The following TMOD3 variants were observed in gnomAD, a reference collection of about 807,000 sequenced individuals.
TMOD3 encodes tropomodulin 3, also known as tropomodulin-3.
Under a neutral mutation model 39.2 loss-of-function variants are expected in TMOD3, and 20 were observed. That is an observed-to-expected ratio of 0.51 (90% CI 0.36 to 0.74). The LOEUF is 0.74. Ranked by LOEUF, TMOD3 falls within the 30% of genes least tolerant of loss-of-function variation. The probability of loss-of-function intolerance (pLI) is 0.00; values close to 1 mark genes in which losing one functional copy is unlikely to be tolerated. For missense variants in TMOD3, 381 were observed against 412.8 expected (o/e 0.92, Z 0.67); for synonymous variants, 143 against 145.8 (o/e 0.98, Z 0.14).
chr15:51,863,958 T>C (rs2056432098), intron 2 of TMOD3, among the ~76,000 whole-genome samples: 1 of 152,132 alleles, frequency 6.6e-6, no homozygotes, highest in African/African-American at 2.4e-5. Flanking sequence ...ATTAGACCTA[T>C]TTGAATCAAA....
intron 3 of TMOD3, among the ~76,000 whole-genome samples, chr15:51,870,008 G>C (rs769777413): frequency 1.4e-4 from 22 of 152,060 alleles, no homozygotes; most frequent in Admixed American, 9.8e-4. Flanking sequence ...GTGCACCCTC[G>C]CCTCACTGCA....
At chr15:51,888,608 T>C (rs1404249771) in intron 4 of TMOD3, among the ~76,000 whole-genome samples, 1 of 152,242 alleles carries the variant, frequency 6.6e-6, no homozygotes, top group African/African-American at 2.4e-5. Flanking sequence ...TTTAGTATTC[T>C]ACTCTTAACT....
At chr15:51,889,471 A>G (rs1595907452) in intron 5 of TMOD3, among the ~76,000 whole-genome samples, 1 of 152,194 alleles carries the variant, frequency 6.6e-6, no homozygotes, top group East Asian at 1.9e-4. Context: ...CTTACAAAGA[A>G]ATTACATTAT....
At chr15:51,861,657 CTTTTTTTTT>C (rs550303054) in intron 1 of TMOD3, among the ~76,000 whole-genome samples, 1 of 134,880 alleles carries the variant, frequency 7.4e-6, no homozygotes, top group African/African-American at 2.7e-5. Flanking sequence ...GTACTAGGTA[CTTTTTTTTT>C]TTTTTTTTTG....
chr15:51,863,911 C>T (rs1055909819), intron 2 of TMOD3, among the ~76,000 whole-genome samples: 1 of 152,110 alleles, frequency 6.6e-6, no homozygotes, highest in Non-Finnish European at 1.5e-5. Flanking sequence ...CTGTTTTTAT[C>T]ACATCACAAC....
chr15:51,830,638 T>A (rs1243012828), intron 1 of TMOD3, among the ~76,000 whole-genome samples: 1 of 152,228 alleles, frequency 6.6e-6, no homozygotes, highest in Non-Finnish European at 1.5e-5. Context: ...GAGGCCATAC[T>A]TCAACAGGAA....
chr15:51,894,566 T>G (rs1434983016), intron 6 of TMOD3, among the ~76,000 whole-genome samples: 1 of 152,192 alleles, frequency 6.6e-6, no homozygotes, highest in East Asian at 1.9e-4. Flanking sequence ...CATACCCCTT[T>G]GTAGTCATTC....
At chr15:51,868,353 G>C (rs76404881) in intron 2 of TMOD3, among the ~76,000 whole-genome samples, 5,578 of 152,144 alleles carry the variant, frequency 0.037, 134 homozygotes, top group Non-Finnish European at 0.05. Context: ...GTTTCATTAC[G>C]TAGGTAAACT....
chr15:51,891,750 T>C (rs1263597562), intron 5 of TMOD3, among the ~76,000 whole-genome samples: 1 of 151,392 alleles, frequency 6.6e-6, no homozygotes, highest in African/African-American at 2.4e-5. Context: ...AATGAGGAAG[T>C]TCTTCCCTAG....
At chr15:51,842,056 G>A (rs1447603656) in intron 1 of TMOD3, among the ~76,000 whole-genome samples, 3 of 152,170 alleles carry the variant, frequency 2.0e-5, no homozygotes, top group Non-Finnish European at 2.9e-5. Flanking sequence ...GATTACAGGC[G>A]TGAGCCACTG....
At position 51,912,221 on chromosome 15, in the gene TMOD3, A is replaced by G. The variant is rs1256941205; in HGVS notation, c.*3411A>G. 6.6e-6 allele frequency: 1 copy of G among 152,092 alleles called. No individual in the cohort carries two copies. Among genetic ancestry groups the G allele is most frequent in the East Asian group, 1.9e-4 (1 of 5,190 alleles). 9.4% of individuals were successfully genotyped at this position (152,092 alleles called of 1,614,324 possible). On this transcript the variant is annotated 3_prime_UTR_variant, in exon 10 of 10. Transcript: ENST00000308580. ...GGTGGGCGGATCACCTGAGGTCAGG[A>G]GTTCGAGACCAGCCTGACCAACATG...
chr15:51,869,446 A>G, intron 3 of TMOD3, 73 bp downstream of exon 3: 1 of 1,459,694 alleles, frequency 6.9e-7, no homozygotes, highest in Non-Finnish European at 9.4e-7. Flanking sequence ...TGTGGAGAAA[A>G]TCATATTTTT....
chr15:51,877,867 C>T lies in TMOD3; in HGVS notation c.283+8494C>T, dbSNP rs1387983504. On this transcript the variant is annotated intron_variant, in intron 3 of 9. Transcript: ENST00000308580. The stretch of plus-strand genomic sequence containing the variant: ...ATTCCCAGCTCTGCATGAACATGGG[C>T]ATTATTACCTCTAAGCTTTCAGAAG... Among the ~76,000 whole-genome samples, 7 of 151,932 alleles carry T rather than the reference C, an allele frequency of 4.6e-5. No homozygotes were observed. The East Asian group carries it at 7.7e-4, about 17-fold the overall frequency.
chr15:51,854,389 G>C (rs1168652530), intron 1 of TMOD3, among the ~76,000 whole-genome samples: 1 of 152,152 alleles, frequency 6.6e-6, no homozygotes, highest in African/African-American at 2.4e-5. Flanking sequence ...AGTTATATAA[G>C]GCTTTTGGGC....
intron 2 of TMOD3, among the ~76,000 whole-genome samples, chr15:51,864,761 G>A (rs866345213): frequency 6.6e-6 from 1 of 152,178 alleles, no homozygotes; most frequent in South Asian, 2.1e-4. Context: ...TAGTTGTCCA[G>A]TATCTGGTTC....
chr15:51,883,790 AT>A (rs1291126126), intron 3 of TMOD3, among the ~76,000 whole-genome samples: 1 of 152,210 alleles, frequency 6.6e-6, no homozygotes, highest in African/African-American at 2.4e-5. Flanking sequence ...CACTGTGCAT[AT>A]AACATTTAGA....
chr15:51,846,677 T>C (rs2141672969), intron 1 of TMOD3, among the ~76,000 whole-genome samples: 1 of 152,338 alleles, frequency 6.6e-6, no homozygotes, highest in South Asian at 2.1e-4. Flanking sequence ...GTAAGCCACT[T>C]CATATCATAT....
At chr15:51,903,862 C>T (rs958832381) in intron 9 of TMOD3, among the ~76,000 whole-genome samples, 23 of 152,214 alleles carry the variant, frequency 1.5e-4, no homozygotes, top group Non-Finnish European at 2.9e-5. Flanking sequence ...CAGAGCCTCA[C>T]GACCATCACA....
At chr15:51,907,641 A>G (rs146656004) in intron 9 of TMOD3, among the ~76,000 whole-genome samples, 1 of 152,238 alleles carries the variant, frequency 6.6e-6, no homozygotes, top group South Asian at 2.1e-4. Flanking sequence ...TGACAGAGCC[A>G]TGATTCACTC....
Sources: allele counts gnomAD v4.1 joint callset (sites outside exome capture counted in the v4.1 genomes callset), GRCh38; gene constraint gnomAD v4.1.1; transcripts MANE v1.5; gene names NCBI Gene and HGNC (gene_info 2026-07-23, HGNC 2026-07-21).